The following PPP1R12C variants were observed in gnomAD, a reference collection of about 807,000 sequenced individuals.
PPP1R12C encodes the protein leukocyte receptor cluster (LRC) encoded novel gene 3.
PPP1R12C carries 48 observed loss-of-function variants against 95.6 expected under a neutral mutation model. That is an observed-to-expected ratio of 0.50 (90% confidence interval 0.40 to 0.64). The LOEUF is 0.64. Ranked by LOEUF, PPP1R12C falls within the 30% of genes least tolerant of loss-of-function variation. The probability of loss-of-function intolerance (pLI) is 0.00; values close to 1 mark genes in which losing one functional copy is unlikely to be tolerated. For synonymous variants in PPP1R12C, 480 were observed against 460.8 expected (o/e 1.04, Z -0.53); for missense variants, 1,057 against 1,083.3 (o/e 0.98, Z 0.34).
In PPP1R12C at chr19:55,117,620, C is replaced by T. The variant is rs1249525258; in HGVS notation, c.-77G>A. 11 of 894,520 alleles carry T rather than the reference C, an allele frequency of 1.2e-5. No individual in the cohort carries two copies. The highest frequency in any genetic ancestry group is 1.5e-5 in the Non-Finnish European group (11 of 750,584). The allele number at this position is 894,520 out of a possible 1,614,324, so 55.4% of individuals were successfully genotyped here. On this transcript the variant is annotated 5_prime_UTR_variant, in exon 1 of 22. Transcript: ENST00000263433. ...CCACCACCCGCCCGCCCGCCCGCCC[C>T]GGGGGCCGCCGGGAACTGCCGCTGG...
chr19:55,113,787 G>A, intron 1 of PPP1R12C: 1 of 289,200 alleles, frequency 3.5e-6, no homozygotes, highest in Non-Finnish European at 6.3e-6. Context: ...GATGAACTCG[G>A]CTCGTTTATT....
chr19:55,097,213 C>T (rs2084927023), intron 6 of PPP1R12C: 2 of 229,274 alleles, frequency 8.7e-6, no homozygotes, highest in South Asian at 3.5e-5. Flanking sequence ...AGTTCACCAC[C>T]GTCTTCACAC....
chr19:55,104,731 G>C (rs548498491), intron 3 of PPP1R12C, among the ~76,000 whole-genome samples: 21 of 151,418 alleles, frequency 1.4e-4, no homozygotes, highest in Non-Finnish European at 2.9e-4. Context: ...GTAGTGACAG[G>C]AAAAGTTAGA....
chr19:55,105,115 G>T (rs2085023832), intron 3 of PPP1R12C, among the ~76,000 whole-genome samples: 1 of 151,592 alleles, frequency 6.6e-6, no homozygotes, highest in African/African-American at 2.4e-5. Flanking sequence ...ACCCAGGCTG[G>T]AGTACAGTGG....
At chr19:55,101,669 G>C (rs961055146) in intron 4 of PPP1R12C, among the ~76,000 whole-genome samples, 4 of 152,238 alleles carry the variant, frequency 2.6e-5, no homozygotes, top group Non-Finnish European at 4.4e-5. Context: ...GGGAGGAAAA[G>C]GACACGGCCT....
Position 55,096,181 on chromosome 19 carries a change from G to T in PPP1R12C, c.1026-3C>A. On this transcript the variant is annotated splice_region_variant and splice_polypyrimidine_tract_variant and intron_variant, in intron 7 of 21. Coordinates refer to ENST00000263433, the MANE Select transcript of PPP1R12C (RefSeq NM_017607.4). ...TGCTCAGACGACACACAGAGCTCCTGTTGGGGAAGGAGAGGGTGCTGGGGT... is the reference window on the plus strand; with the variant it reads ...TGCTCAGACGACACACAGAGCTCCTTTTGGGGAAGGAGAGGGTGCTGGGGT... 1 of 1,607,908 alleles carries T rather than the reference G, an allele frequency of 6.2e-7. No homozygotes were observed. The highest frequency in any genetic ancestry group is 8.5e-7 in the Non-Finnish European group (1 of 1,176,100).
intron 1 of PPP1R12C, among the ~76,000 whole-genome samples, chr19:55,116,464 G>A (rs1472409346): frequency 6.6e-6 from 1 of 152,076 alleles, no homozygotes; most frequent in African/African-American, 2.4e-5. Flanking sequence ...GAACCTGAAG[G>A]AGGCGGCAGG....
intron 1 of PPP1R12C, chr19:55,113,436 C>A: frequency 6.6e-7 from 1 of 1,504,836 alleles, no homozygotes. Flanking sequence ...TTCACTGAGG[C>A]CCCCTCTGCA....
rs959153235 is a variant in PPP1R12C at position 55,091,226 on chromosome 19, C to T, written c.*246G>A. ...TTGGTCCTCAGTTCCTTCCTGGTCC[C>T]GTCTCTGGCCCTGGTCCCCTCTGGC... On this transcript the variant is annotated 3_prime_UTR_variant, in exon 22 of 22. Coordinates refer to ENST00000263433, the MANE Select transcript of PPP1R12C (RefSeq NM_017607.4). The T allele has an allele frequency of 3.4e-5, 19 of 561,218 alleles. No individual in the cohort carries two copies. Among genetic ancestry groups the T allele is most frequent in the South Asian group, 2.0e-4 (10 of 48,860 alleles). The allele number at this position is 561,218 out of a possible 1,614,324, so 34.8% of individuals were successfully genotyped here.
At chr19:55,112,913 A>G (rs2085114032) in intron 1 of PPP1R12C, 118 bp from the exon 2 acceptor site, 1 of 1,394,518 alleles carries the variant, frequency 7.2e-7, no homozygotes, top group Admixed American at 2.0e-5. Context: ...GACAGTGGGG[A>G]AAATGACCCA....
chr19:55,110,549 T>C (rs1451783054), intron 3 of PPP1R12C, among the ~76,000 whole-genome samples: 2 of 152,202 alleles, frequency 1.3e-5, no homozygotes, highest in African/African-American at 2.4e-5. Flanking sequence ...AGGAGATACC[T>C]GCTGTGCATC....
rs770610718 is a variant in PPP1R12C, at chr19:55,093,232, C to G, written c.1685G>C (p.Gly562Ala). 6.2e-7 allele frequency: 1 copy of G among 1,612,684 alleles called. No homozygotes were observed. Among genetic ancestry groups the G allele is most frequent in the South Asian group, 1.1e-5 (1 of 90,956 alleles). ...LMRQSRRSTQGVTLTDLKEAE... is the reference protein window; with the variant it reads ...LMRQSRRSTQAVTLTDLKEAE... ...CTCCTTCAGGTCTGTAAGAGTCACA[C>G]CCTGGCAGGGAAAGGGGACAGTCAG... is the stretch of plus-strand genomic sequence containing the variant. Residue 562 changes from glycine to alanine, a missense_variant and splice_region_variant, in exon 14 of 22, where the codon GGT (glycine) becomes GCT (alanine). By Grantham distance (60) the Gly-to-Ala change is moderately conservative. This residue lies in a region of PPP1R12C where 347 missense variants were observed against 307.9 expected (regional missense o/e 1.13). Transcript: ENST00000263433.
intron 1 of PPP1R12C, chr19:55,114,450 G>T (rs561161112): frequency 1.3e-5 from 2 of 152,658 alleles, no homozygotes; most frequent in African/African-American, 2.4e-5. Flanking sequence ...GCGATGCTTG[G>T]GGACCTGCCT....
intron 4 of PPP1R12C, among the ~76,000 whole-genome samples, chr19:55,099,694 A>G (rs1051020390): frequency 6.6e-6 from 1 of 152,202 alleles, no homozygotes; most frequent in African/African-American, 2.4e-5. Flanking sequence ...GCAGCCCCAC[A>G]AGGAGAGGGA....
chr19:55,096,390 C>A lies in PPP1R12C; in HGVS notation c.952-55G>T. The A allele has an allele frequency of 8.9e-6, 14 of 1,567,446 alleles. No individual in the cohort carries two copies. The South Asian group carries it at 1.6e-4, about 17-fold the overall frequency. ...GGGGTGGAGCACACGTGCCCCACAG[C>A]AACACCACCACAAACAGCTGTGCAG... On this transcript the variant is annotated intron_variant, in intron 6 of 21. Transcript: ENST00000263433.
In PPP1R12C at chr19:55,096,053, G is replaced by T. The variant is rs534791014; in HGVS notation, c.1151C>A (p.Thr384Asn). The stretch of plus-strand genomic sequence containing the variant: ...GAGTCCAGATTCAGGCCCCTCACCG[G>T]TGGGACCTTCTTCCCCCTCATCCTC... Reference protein sequence around the residue: ...QDEDEGEEGPTEPPPAEPRTL... With the variant: ...QDEDEGEEGPNEPPPAEPRTL... Residue 384 changes from threonine to asparagine, a missense_variant and splice_region_variant, in exon 8 of 22, where the codon ACC (threonine) becomes AAC (asparagine). Thr to Asn is a moderately conservative substitution (Grantham distance 65). Around this residue, in one of 5 missense-constraint regions of PPP1R12C, gnomAD observed 356 missense variants for 330.5 expected, o/e 1.08. Coordinates refer to ENST00000263433, the MANE Select transcript of PPP1R12C (RefSeq NM_017607.4). 12 of 1,609,556 alleles carry T rather than the reference G, an allele frequency of 7.5e-6. No individual in the cohort carries two copies. Among genetic ancestry groups the T allele is most frequent in the Middle Eastern group, 1.7e-4 (1 of 6,046 alleles).
intron 3 of PPP1R12C, among the ~76,000 whole-genome samples, chr19:55,105,931 G>T (rs1408145370): frequency 1.3e-5 from 2 of 150,520 alleles, no homozygotes; most frequent in Admixed American, 6.6e-5. Context: ...GGCAGCGTGA[G>T]ATCCTGTCTT....
chr19:55,117,281 G>C lies in PPP1R12C; in HGVS notation c.263C>G (p.Pro88Arg). ...PGAELDPAAP[P>R]PARAVLDSTN... ...GGAGTCCAGCACGGCGCGGGCGGGC[G>C]GCGGCGCGGCGGGGTCGAGCTCGGC... Residue 88 changes from proline to arginine, a missense_variant, in exon 1 of 22, where the codon CCG becomes CGG. Pro to Arg is a moderately radical substitution (Grantham distance 103). Transcript: ENST00000263433. 8.2e-7 allele frequency: 1 copy of C among 1,221,110 alleles called. No individual in the cohort carries two copies. Among genetic ancestry groups the C allele is most frequent in the Non-Finnish European group, 1.0e-6 (1 of 982,340 alleles). 75.6% of individuals were successfully genotyped at this position (1,221,110 alleles called of 1,614,324 possible).
chr19:55,094,928 A>C, intron 11 of PPP1R12C, 130 bp from the exon 12 acceptor site: 1 of 1,109,948 alleles, frequency 9.0e-7, no homozygotes, highest in Admixed American at 2.1e-5. Flanking sequence ...GAAATACACA[A>C]AACCCACAAA....
Sources: allele counts gnomAD v4.1 joint callset (sites outside exome capture counted in the v4.1 genomes callset), GRCh38; gene constraint gnomAD v4.1.1; regional missense constraint gnomAD v4.1.1; transcripts MANE v1.5; gene names NCBI Gene and HGNC (gene_info 2026-07-23, HGNC 2026-07-21).